The following CUX2 variants were observed in gnomAD, a reference collection of about 807,000 sequenced individuals.
CUX2 encodes the protein cut like homeobox 2, also known as homeobox protein cut-like 2.
CUX2 carries 40 observed loss-of-function variants against 144.8 expected under a neutral mutation model. The ratio of observed to expected loss-of-function variants is 0.28; its 90% CI spans 0.21 to 0.36. CUX2 has a LOEUF of 0.36. CUX2 is among the 10% of genes least tolerant of loss of function. The pLI, the probability that CUX2 is intolerant of heterozygous loss-of-function variation, is 1.00. For synonymous variants in CUX2, 827 were observed against 875.6 expected (o/e 0.94, Z 0.98); for missense variants, 1,615 against 1,994.0 (o/e 0.81, Z 3.62).
rs754231283 is a variant in CUX2, at chr12:111,077,692, TTTA to T, written c.63+43455_63+43457del. 8.7e-4 allele frequency among the ~76,000 whole-genome samples: 132 copies of T among 152,272 alleles called. No individual in the cohort carries two copies. Among genetic ancestry groups the T allele is most frequent in the Non-Finnish European group, 1.6e-3 (111 of 68,008 alleles). On this transcript the variant is annotated intron_variant, in intron 1 of 21. Coordinates refer to ENST00000261726, the MANE Select transcript of CUX2 (RefSeq NM_015267.4). This position sits in a 1 kb window ranked among gnomAD's most constrained non-coding sequence, Gnocchi z 4.1. ...TTGTGGAGACAGGATGGAGGCCAGC[TTTA>T]TTTACAAGAGTGTTTGTTTTTTGGG...
At chr12:111,108,181 G>T (rs540388947) in intron 1 of CUX2, among the ~76,000 whole-genome samples, 1 of 152,106 alleles carries the variant, frequency 6.6e-6, no homozygotes, top group Non-Finnish European at 1.5e-5. Flanking sequence ...CTTATGATTC[G>T]ATTCAGGTTG....
intron 1 of CUX2, among the ~76,000 whole-genome samples, chr12:111,137,441 A>C (rs925863250): frequency 1.3e-5 from 2 of 152,206 alleles, no homozygotes; most frequent in African/African-American, 4.8e-5. Context: ...TAAATTCTGA[A>C]GGGGAAAATG....
intron 1 of CUX2, among the ~76,000 whole-genome samples, chr12:111,211,274 G>T (rs527673026): frequency 2.6e-5 from 4 of 152,300 alleles, no homozygotes; most frequent in Admixed American, 2.0e-4. Context: ...GACACCAAGG[G>T]CTGGGCTTGC....
intron 18 of CUX2, among the ~76,000 whole-genome samples, chr12:111,325,359 C>G (rs1172384565): frequency 1.3e-5 from 2 of 152,082 alleles, no homozygotes; most frequent in Non-Finnish European, 2.9e-5. Flanking sequence ...CACATAGCAC[C>G]AAGTGGTCAA....
rs1032948976 is a variant in CUX2 at position 111,190,140 on chromosome 12, A to G, written c.64-24060A>G. Among the ~76,000 whole-genome samples, 2 of 151,754 alleles carry G rather than the reference A, an allele frequency of 1.3e-5. No individual in the cohort carries two copies. The highest frequency in any genetic ancestry group is 2.9e-5 in the Non-Finnish European group (2 of 67,930). On this transcript the variant is annotated intron_variant, in intron 1 of 21. Transcript: ENST00000261726. The surrounding 1 kb of genome is among the most constrained non-coding windows in gnomAD (Gnocchi z 4.0). Reference sequence around the variant, plus strand: ...GGATCTCCTCTTATGTGAGGCACTGATTTCAGTCTCTGGCCCATTTTTCTA... The same window carrying G: ...GGATCTCCTCTTATGTGAGGCACTGGTTTCAGTCTCTGGCCCATTTTTCTA...
chr12:111,099,849 C>T (rs757640960), intron 1 of CUX2: 6 of 420,862 alleles, frequency 1.4e-5, no homozygotes, highest in Middle Eastern at 3.5e-4. Flanking sequence ...AGCTAGGAGG[C>T]GAGGGACCGT....
chr12:111,343,169 C>G (rs1888650563), intron 21 of CUX2, among the ~76,000 whole-genome samples: 2 of 151,958 alleles, frequency 1.3e-5, no homozygotes, highest in Admixed American at 6.6e-5. Flanking sequence ...CCTGGCCCCT[C>G]CTACCCCTGA....
intron 4 of CUX2, among the ~76,000 whole-genome samples, chr12:111,264,565 A>G (rs1884288688): frequency 1.3e-5 from 2 of 152,250 alleles, no homozygotes; most frequent in South Asian, 4.1e-4. Flanking sequence ...CGGTTTTAGT[A>G]GAAATCCCAT....
chr12:111,271,686 T>A (rs1388092794), intron 4 of CUX2, among the ~76,000 whole-genome samples: 1 of 152,254 alleles, frequency 6.6e-6, no homozygotes, highest in Non-Finnish European at 1.5e-5. Flanking sequence ...TTGCTGATTT[T>A]ATATTGCAGT....
In CUX2 at chr12:111,287,304, C is replaced by G. The variant is rs529798939; in HGVS notation, c.302-4114C>G. 7.7e-4 allele frequency among the ~76,000 whole-genome samples: 117 copies of G among 152,386 alleles called. No individual in the cohort carries two copies. The highest frequency in any genetic ancestry group is 1.3e-4 in the Non-Finnish European group (9 of 68,040). ...CCCTGGGCCACGAGCCGGATCCTCCCCCTCCTTGGAACCGGAGCAAGCCCT... is the reference window on the plus strand; with the variant it reads ...CCCTGGGCCACGAGCCGGATCCTCCGCCTCCTTGGAACCGGAGCAAGCCCT... On this transcript the variant is annotated intron_variant, in intron 4 of 21. Coordinates refer to ENST00000261726, the MANE Select transcript of CUX2 (RefSeq NM_015267.4). This position sits in a 1 kb window ranked among gnomAD's most constrained non-coding sequence, Gnocchi z 4.2.
intron 1 of CUX2, among the ~76,000 whole-genome samples, chr12:111,194,568 A>C (rs1174469759): frequency 2.0e-5 from 3 of 152,190 alleles, no homozygotes; most frequent in Non-Finnish European, 2.9e-5. Flanking sequence ...CCGATCGGCC[A>C]GAGCTGAGCA....
chr12:111,093,795 T>C (rs923689585), intron 1 of CUX2, among the ~76,000 whole-genome samples: 1 of 152,220 alleles, frequency 6.6e-6, no homozygotes, highest in Non-Finnish European at 1.5e-5. Context: ...GACTTGACAA[T>C]TGATAATTTT....
intron 1 of CUX2, among the ~76,000 whole-genome samples, chr12:111,212,391 C>T (rs1881282656): frequency 6.6e-6 from 1 of 152,172 alleles, no homozygotes; most frequent in Non-Finnish European, 1.5e-5. Context: ...CCTGTTTCCG[C>T]TCCCCCACCA....
chr12:111,128,574 C>G (rs945272615), intron 1 of CUX2, among the ~76,000 whole-genome samples: 6 of 152,124 alleles, frequency 3.9e-5, no homozygotes, highest in Admixed American at 2.6e-4. Flanking sequence ...TGCATGCCCC[C>G]CTTTATGGCT....
intron 1 of CUX2, among the ~76,000 whole-genome samples, chr12:111,145,664 G>A (rs955596661): frequency 5.9e-5 from 9 of 151,572 alleles, no homozygotes; most frequent in African/African-American, 1.2e-4. Flanking sequence ...CACCATGCTC[G>A]GCTATTTATT....
intron 1 of CUX2, among the ~76,000 whole-genome samples, chr12:111,128,372 G>A (rs538027340): frequency 2.0e-5 from 3 of 152,138 alleles, no homozygotes; most frequent in Admixed American, 6.5e-5. Flanking sequence ...AACCAGGTCC[G>A]GGTCAATTCT....
At chr12:111,147,445 G>A (rs1876756339) in intron 1 of CUX2, among the ~76,000 whole-genome samples, 1 of 152,114 alleles carries the variant, frequency 6.6e-6, no homozygotes, top group Non-Finnish European at 1.5e-5. Flanking sequence ...GGCTCCCACT[G>A]TGCCCCTGTC....
At chr12:111,278,870 A>C (rs978918617) in intron 4 of CUX2, among the ~76,000 whole-genome samples, 14 of 152,212 alleles carry the variant, frequency 9.2e-5, no homozygotes, top group Non-Finnish European at 5.9e-5. Flanking sequence ...CCGGCAGAGC[A>C]TTCTCCTCCA....
chr12:111,274,963 A>C (rs919739560), intron 4 of CUX2, among the ~76,000 whole-genome samples: 68 of 149,134 alleles, frequency 4.6e-4, no homozygotes, highest in Non-Finnish European at 4.0e-4. Flanking sequence ...AAAAAAAAAA[A>C]CAAAAAAACA....
Sources: allele counts gnomAD v4.1 joint callset (sites outside exome capture counted in the v4.1 genomes callset), GRCh38; gene constraint gnomAD v4.1.1; non-coding constraint Gnocchi (gnomAD v3.1); transcripts MANE v1.5; gene names NCBI Gene and HGNC (gene_info 2026-07-23, HGNC 2026-07-21).